CAPN9: variants seen among roughly 807,000 people sequenced by gnomAD.
CAPN9 encodes the protein calpain 9.
CAPN9 carries 81 observed loss-of-function variants against 92.8 expected under a neutral mutation model. The ratio of observed to expected loss-of-function variants is 0.87; its 90% CI spans 0.73 to 1.05. The LOEUF (loss-of-function observed/expected upper bound fraction) is 1.05, where lower values mean the gene tolerates loss of function less well. CAPN9 is among the 50% of genes least tolerant of loss of function. CAPN9 has a pLI of 0.00. For synonymous variants in CAPN9, 304 were observed against 328.0 expected (o/e 0.93, Z 0.79); for missense variants, 848 against 866.2 (o/e 0.98, Z 0.26).
intron 1 of CAPN9, 83 bp downstream of exon 1, chr1:230,747,792 G>A (rs921482263): frequency 7.9e-6 from 10 of 1,258,054 alleles, no homozygotes; most frequent in Non-Finnish European, 1.2e-5. Context: ...GGGGTGCTGG[G>A]GAGGGGCCGG....
At position 230,762,645 on chromosome 1, in the gene CAPN9, G is replaced by T. The variant is rs763012258; in HGVS notation, c.403-8G>T. ...TCGCATCATTTCTGTCTTTTTCCTG[G>T]GCAACAGTTCTGGCAGCACAGTGAG... On this transcript the variant is annotated splice_polypyrimidine_tract_variant and splice_region_variant and intron_variant, in intron 3 of 19. Coordinates refer to ENST00000271971, the MANE Select transcript of CAPN9 (RefSeq NM_006615.3). 1 of 1,612,506 alleles carries T rather than the reference G, an allele frequency of 6.2e-7. No homozygotes were observed. The highest frequency in any genetic ancestry group is 1.3e-5 in the African/African-American group (1 of 74,802).
intron 4 of CAPN9, among the ~76,000 whole-genome samples, chr1:230,765,051 T>G (rs1004878298): frequency 6.6e-6 from 1 of 152,130 alleles, no homozygotes; most frequent in Non-Finnish European, 1.5e-5. Context: ...GTTTCTAAGA[T>G]CATTCTTCAA....
intron 8 of CAPN9, among the ~76,000 whole-genome samples, chr1:230,778,154 C>A (rs1445659993): frequency 1.3e-5 from 2 of 152,192 alleles, no homozygotes; most frequent in African/African-American, 4.8e-5. Context: ...CTCCATCCTT[C>A]CAGTCACTCA....
chr1:230,782,886 C>T (rs1036984327), intron 11 of CAPN9, among the ~76,000 whole-genome samples: 1 of 152,052 alleles, frequency 6.6e-6, no homozygotes, highest in Non-Finnish European at 1.5e-5. Context: ...CATGGTGGCA[C>T]GTGCCTGTAA....
At chr1:230,779,359 T>C (rs1667052410) in intron 9 of CAPN9, among the ~76,000 whole-genome samples, 1 of 152,204 alleles carries the variant, frequency 6.6e-6, no homozygotes, top group Admixed American at 6.5e-5. Context: ...ATGGAAAGCA[T>C]GACTCATGCC....
Position 230,769,483 on chromosome 1 carries a change from C to T in CAPN9, c.789+220C>T, listed in dbSNP as rs146550660. On this transcript the variant is annotated intron_variant, in intron 6 of 19. Transcript: ENST00000271971. The stretch of plus-strand genomic sequence containing the variant: ...ACAAAACTCGTTTAGCAGCTGTAAG[C>T]GCCTGGTCTTTGTTTATTTTTAATT... Among the ~76,000 whole-genome samples, 670 of 152,278 alleles carry T rather than the reference C, an allele frequency of 4.4e-3. 3 individuals are homozygous for T. Among genetic ancestry groups the T allele is most frequent in the Middle Eastern group, 0.01 (3 of 294 alleles).
At chr1:230,778,814 T>A (rs550342498) in intron 8 of CAPN9, among the ~76,000 whole-genome samples, 159 bp from the exon 9 acceptor site, 3 of 152,306 alleles carry the variant, frequency 2.0e-5, no homozygotes, top group Non-Finnish European at 2.9e-5. Flanking sequence ...ATTTTACTTT[T>A]AAAAAATTTT....
intron 15 of CAPN9, among the ~76,000 whole-genome samples, chr1:230,792,183 T>C (rs1453932548): frequency 6.6e-6 from 1 of 151,988 alleles, no homozygotes; most frequent in Non-Finnish European, 1.5e-5. Context: ...CACTTTGGGA[T>C]CCCATCCAAG....
chr1:230,756,420 G>C (rs964363521), intron 2 of CAPN9, among the ~76,000 whole-genome samples: 10 of 152,262 alleles, frequency 6.6e-5, no homozygotes, highest in African/African-American at 2.4e-4. Flanking sequence ...TAGGTTGATA[G>C]GTTGATTGAT....
chr1:230,764,964 T>C (rs1275352849), intron 4 of CAPN9, among the ~76,000 whole-genome samples: 1 of 152,184 alleles, frequency 6.6e-6, no homozygotes, highest in East Asian at 1.9e-4. Flanking sequence ...CATATGTATT[T>C]CCTTGCTTTG....
rs150409039 is a variant in CAPN9, at chr1:230,798,296, G to A, written c.2046+76G>A. 23 of 950,920 alleles carry A rather than the reference G, an allele frequency of 2.4e-5. No individual in the cohort carries two copies. In the East Asian group the frequency reaches 3.9e-4, roughly 16 times the overall value. The allele number at this position is 950,920 out of a possible 1,614,324, so 58.9% of individuals were successfully genotyped here. A position where few individuals can be genotyped will look rare whatever the true frequency, so the allele number is the denominator to read the frequency against. On this transcript the variant is annotated intron_variant, in intron 19 of 19. Coordinates refer to ENST00000271971, the MANE Select transcript of CAPN9 (RefSeq NM_006615.3). ...AGTCCACGCTGCATAGATGTTTGCC[G>A]AATGCTTGATTTCATGCAAGGGCTG... is the stretch of plus-strand genomic sequence containing the variant.
chr1:230,772,467 TTG>T (rs1553259973), intron 7 of CAPN9, among the ~76,000 whole-genome samples: 4 of 151,550 alleles, frequency 2.6e-5, no homozygotes, highest in Admixed American at 6.6e-5. Context: ...GCGTGTGTGT[TTG>T]TGTGTGTGTG....
chr1:230,763,682 A>C (rs531992840), intron 4 of CAPN9, among the ~76,000 whole-genome samples: 51 of 152,246 alleles, frequency 3.3e-4, no homozygotes, highest in Non-Finnish European at 6.2e-4. Flanking sequence ...CAGAGACAGA[A>C]GCAAGGATGG....
intron 4 of CAPN9, among the ~76,000 whole-genome samples, chr1:230,764,920 C>T (rs1273669570): frequency 6.6e-6 from 1 of 152,092 alleles, no homozygotes; most frequent in Non-Finnish European, 1.5e-5. Flanking sequence ...TTATCATACA[C>T]ATATATATTG....
At chr1:230,766,236 C>T (rs1665978390) in intron 4 of CAPN9, among the ~76,000 whole-genome samples, 1 of 152,150 alleles carries the variant, frequency 6.6e-6, no homozygotes, top group South Asian at 2.1e-4. Flanking sequence ...GCTGGGATTA[C>T]AGGCACCAAC....
Position 230,782,355 on chromosome 1 carries a change from T to C in CAPN9, c.1481+1647T>C, listed in dbSNP as rs529543280. 2.3e-4 allele frequency among the ~76,000 whole-genome samples: 35 copies of C among 152,340 alleles called. No homozygotes were observed. The South Asian group carries it at 6.6e-3, about 29-fold the overall frequency. On this transcript the variant is annotated intron_variant, in intron 11 of 19. Transcript: ENST00000271971. ...CAGAAGTTCTGAAAGGGTTATGTTA[T>C]GGATGCCCAGGGGATGAGGAGGAAA...
intron 1 of CAPN9, 108 bp from the exon 2 acceptor site, chr1:230,755,229 A>G (rs1401568090): frequency 4.8e-6 from 4 of 841,306 alleles, no homozygotes; most frequent in Non-Finnish European, 5.8e-6. Context: ...AGAATCAAGC[A>G]CAGGGAAAGC....
intron 6 of CAPN9, among the ~76,000 whole-genome samples, chr1:230,770,794 C>T (rs1220193741): frequency 2.0e-5 from 3 of 152,344 alleles, no homozygotes; most frequent in African/African-American, 2.4e-5. Flanking sequence ...AAGCCCAGTA[C>T]TTAGAAGGTG....
intron 8 of CAPN9, among the ~76,000 whole-genome samples, chr1:230,777,753 A>G (rs1326117363): frequency 6.6e-6 from 1 of 152,038 alleles, no homozygotes; most frequent in African/African-American, 2.4e-5. Flanking sequence ...TTGATCCATC[A>G]GGAGCCCTTG....
Sources: allele counts gnomAD v4.1 joint callset (sites outside exome capture counted in the v4.1 genomes callset), GRCh38; gene constraint gnomAD v4.1.1; transcripts MANE v1.5; gene names NCBI Gene and HGNC (gene_info 2026-07-23, HGNC 2026-07-21).